Variants in PKNOX2 observed in about 807,000 individuals in gnomAD.
The protein encoded by PKNOX2 is homeobox protein PKNOX2.
In PKNOX2, 14 loss-of-function variants were observed where a neutral mutation model predicts 53.1. That is an observed-to-expected ratio of 0.26 (90% CI 0.17 to 0.41). The LOEUF (loss-of-function observed/expected upper bound fraction) is 0.41. PKNOX2 is among the 10% of genes least tolerant of loss of function. PKNOX2 has a pLI of 1.00. For missense variants in PKNOX2, 496 were observed against 602.8 expected, an observed-to-expected ratio of 0.82 and a Z score of 1.85; for synonymous variants, 257 against 242.8, an observed-to-expected ratio of 1.06 and a Z score of -0.54.
chr11:125,287,591 C>A (rs1428986742), intron 2 of PKNOX2: 1 of 152,048 alleles, frequency 6.6e-6, no homozygotes, highest in Non-Finnish European at 1.5e-5. Context: ...CCTTCCAAAG[C>A]TTAGGCTACA....
At position 125,308,001 on chromosome 11, in the gene PKNOX2, G is replaced by A. The variant is rs77359961; in HGVS notation, c.-129-23818G>A. ...AGCAAGACCCAAAAAGGCAAACATC[G>A]AGGGGAGAGGAGGGAAAACATTTGA... On this transcript the variant is annotated intron_variant, in intron 2 of 12. Coordinates refer to ENST00000298282, the MANE Select transcript of PKNOX2 (RefSeq NM_001382323.2). Among the ~76,000 whole-genome samples the A allele has an allele frequency of 2.5e-4, 38 of 152,298 alleles. No homozygotes were observed. The East Asian group carries it at 6.2e-3, about 25-fold the overall frequency.
In PKNOX2 at chr11:125,262,848, T is replaced by C. The variant is rs529448282; in HGVS notation, c.-130+27733T>C. Among the ~76,000 whole-genome samples, 344 of 152,288 alleles carry C rather than the reference T, an allele frequency of 2.3e-3. 1 individual carries two copies. Among genetic ancestry groups the C allele is most frequent in the South Asian group, 9.6e-3 (46 of 4,816 alleles). On this transcript the variant is annotated intron_variant, in intron 2 of 12. Coordinates refer to ENST00000298282, the MANE Select transcript of PKNOX2 (RefSeq NM_001382323.2). ...TCTCCCATGCGTTCCCTCCTGCTCC[T>C]CTACTCACGTACCCTCCTTTTCCTC...
intron 6 of PKNOX2, among the ~76,000 whole-genome samples, chr11:125,395,953 C>CT (rs949920113): frequency 0.02 from 2,671 of 131,876 alleles, 50 homozygotes; most frequent in African/African-American, 0.039. Flanking sequence ...ACTGGATCAT[C>CT]TTTTTTTTTT....
At chr11:125,327,441 T>A in intron 2 of PKNOX2, among the ~76,000 whole-genome samples, 1 of 152,248 alleles carries the variant, frequency 6.6e-6, no homozygotes, top group African/African-American at 2.4e-5. Context: ...CAGCCCCGTG[T>A]CTTCCCATCC....
At chr11:125,173,224 A>C (rs755082665) in intron 1 of PKNOX2, among the ~76,000 whole-genome samples, 1 of 152,226 alleles carries the variant, frequency 6.6e-6, no homozygotes, top group Non-Finnish European at 1.5e-5. Flanking sequence ...AATAAATATT[A>C]GTCTTCTGTC....
chr11:125,348,271 G>A (rs1196099494), intron 3 of PKNOX2, among the ~76,000 whole-genome samples: 1 of 152,202 alleles, frequency 6.6e-6, no homozygotes, highest in Non-Finnish European at 1.5e-5. Context: ...GTGAGGAAAA[G>A]AGCCAGCTTC....
chr11:125,411,061 T>C (rs968991779), intron 9 of PKNOX2, 185 bp downstream of exon 9: 2 of 571,904 alleles, frequency 3.5e-6, no homozygotes, highest in East Asian at 6.0e-5. Context: ...ACTCCTGGGA[T>C]TTTGCTGCCT....
At chr11:125,348,526 G>A (rs1187411693) in intron 3 of PKNOX2, among the ~76,000 whole-genome samples, 1 of 152,200 alleles carries the variant, frequency 6.6e-6, no homozygotes, top group Non-Finnish European at 1.5e-5. Context: ...TTCTTTCGAC[G>A]CGGGTCTGGC....
intron 2 of PKNOX2, among the ~76,000 whole-genome samples, chr11:125,250,568 G>A (rs1463098207): frequency 6.6e-6 from 1 of 152,192 alleles, no homozygotes. Context: ...CCTAGCGCTA[G>A]TCTGGAGGGA....
intron 2 of PKNOX2, among the ~76,000 whole-genome samples, chr11:125,327,163 C>T (rs11824622): frequency 0.11 from 17,186 of 152,204 alleles, 1,921 homozygotes; most frequent in African/African-American, 0.29. Context: ...TCTCTGGCCA[C>T]AGATTCCAGA....
chr11:125,168,283 G>A (rs1955036843), intron 1 of PKNOX2, among the ~76,000 whole-genome samples: 1 of 152,182 alleles, frequency 6.6e-6, no homozygotes, highest in African/African-American at 2.4e-5. Context: ...TTTTGACTAG[G>A]TCCTAACACA....
chr11:125,287,702 A>G (rs1341315061), intron 2 of PKNOX2: 1 of 152,276 alleles, frequency 6.6e-6, no homozygotes, highest in Non-Finnish European at 1.5e-5. Context: ...CTTCTGGGGA[A>G]CAAATGAATC....
At chr11:125,252,044 G>T (rs1335143081) in intron 2 of PKNOX2, among the ~76,000 whole-genome samples, 1 of 152,136 alleles carries the variant, frequency 6.6e-6, no homozygotes, top group Non-Finnish European at 1.5e-5. Context: ...AAGTAAGCAG[G>T]CACCTCTAGC....
chr11:125,293,251 C>T (rs1947426103), intron 2 of PKNOX2, among the ~76,000 whole-genome samples: 1 of 152,148 alleles, frequency 6.6e-6, no homozygotes, highest in African/African-American at 2.4e-5. Context: ...TGCTTAAATC[C>T]TGTACCATAT....
chr11:125,338,004 C>T (rs867868833), intron 3 of PKNOX2, among the ~76,000 whole-genome samples: 3 of 152,166 alleles, frequency 2.0e-5, no homozygotes, highest in African/African-American at 2.4e-5. Flanking sequence ...GGAGAAGAAG[C>T]GTTCATTTCC....
intron 1 of PKNOX2, among the ~76,000 whole-genome samples, chr11:125,183,129 C>T (rs1234875851): frequency 6.6e-6 from 1 of 150,408 alleles, no homozygotes; most frequent in Non-Finnish European, 1.5e-5. Flanking sequence ...CATCCTGGTT[C>T]AATAGGCTGG....
chr11:125,218,416 G>GA (rs376066859), intron 1 of PKNOX2, among the ~76,000 whole-genome samples: 1 of 148,134 alleles, frequency 6.8e-6, no homozygotes, highest in Non-Finnish European at 1.5e-5. Flanking sequence ...ATGGGGGGGG[G>GA]ACAGGAACTT....
chr11:125,250,942 A>T (rs1203472919), intron 2 of PKNOX2, among the ~76,000 whole-genome samples: 3 of 152,062 alleles, frequency 2.0e-5, no homozygotes, highest in Non-Finnish European at 4.4e-5. Flanking sequence ...CATATGGGGG[A>T]CCCCTGGCCG....
At chr11:125,269,354 T>G (rs1193302337) in intron 2 of PKNOX2, among the ~76,000 whole-genome samples, 1 of 152,146 alleles carries the variant, frequency 6.6e-6, no homozygotes, top group Non-Finnish European at 1.5e-5. Flanking sequence ...ATCTGATCTC[T>G]CTCTTTATAT....
Sources: gnomAD v4.1 joint callset for allele counts (sites outside exome capture counted in the v4.1 genomes callset) on GRCh38, gnomAD v4.1.1 for gene constraint, MANE v1.5 for transcripts, NCBI Gene and HGNC (gene_info 2026-07-23, HGNC 2026-07-21) for gene names.